The following ANKS1B variants were observed in gnomAD, a reference collection of about 807,000 sequenced individuals.
ANKS1B encodes ankyrin repeat and sterile alpha motif domain-containing protein 1B.
In ANKS1B, 36 loss-of-function variants were observed where a neutral mutation model predicts 148.3. The ratio of observed to expected loss-of-function variants is 0.24; its 90% CI spans 0.19 to 0.32. ANKS1B has a LOEUF of 0.32. Ranked by LOEUF, ANKS1B falls within the 10% of genes least tolerant of loss-of-function variation. The pLI, the probability that ANKS1B is intolerant of heterozygous loss-of-function variation, is 1.00. For synonymous variants in ANKS1B, 542 were observed against 560.8 expected (o/e 0.97, Z 0.47); for missense variants, 1,157 against 1,542.6 (o/e 0.75, Z 4.19).
In ANKS1B at chr12:99,455,117, C is replaced by T. The variant is rs754855382; in HGVS notation, c.1439-11308G>A. On this transcript the variant is annotated intron_variant, in intron 10 of 26. Transcript: ENST00000683438. Reference sequence around the variant, plus strand: ...TGTCTTAACAACCTATTCTTTTCTCCGGTTGTACTCTTAGTGGTCCCTGTA... The same window carrying T: ...TGTCTTAACAACCTATTCTTTTCTCTGGTTGTACTCTTAGTGGTCCCTGTA... Among the ~76,000 whole-genome samples, 29 of 152,180 alleles carry T rather than the reference C, an allele frequency of 1.9e-4. 1 individual carries two copies. In the South Asian group the frequency reaches 5.0e-3, roughly 26 times the overall value.
chr12:99,345,858 C>A (rs945008501), intron 12 of ANKS1B, among the ~76,000 whole-genome samples: 1 of 151,956 alleles, frequency 6.6e-6, no homozygotes, highest in Non-Finnish European at 1.5e-5. Flanking sequence ...AAAAAATGCT[C>A]TTTGTAAAAT....
rs186992812 is a variant in ANKS1B at position 99,844,749 on chromosome 12, A to G, written c.135-19360T>C. The stretch of plus-strand genomic sequence containing the variant: ...TTTTTGGTTCCTTGTGAATTTTAAA[A>G]TAGTTTTTTCTAATTCTATGAAGAA... On this transcript the variant is annotated intron_variant, in intron 1 of 26. Transcript: ENST00000683438. Among the ~76,000 whole-genome samples, 19 of 152,272 alleles carry G rather than the reference A, an allele frequency of 1.2e-4. No individual in the cohort carries two copies. In the East Asian group the frequency reaches 2.5e-3, roughly 20 times the overall value.
chr12:99,647,329 C>T (rs1320274232), intron 9 of ANKS1B, among the ~76,000 whole-genome samples: 1 of 152,176 alleles, frequency 6.6e-6, no homozygotes, highest in Non-Finnish European at 1.5e-5. Context: ...AAGCAATCCC[C>T]TATTGTAAGA....
intron 12 of ANKS1B, among the ~76,000 whole-genome samples, chr12:99,306,544 G>C (rs1270158774): frequency 6.6e-6 from 1 of 151,920 alleles, no homozygotes; most frequent in Non-Finnish European, 1.5e-5. Context: ...TCTGATGATG[G>C]TTTTACATGA....
chr12:99,095,659 G>A (rs2055796645), intron 15 of ANKS1B, among the ~76,000 whole-genome samples: 1 of 152,178 alleles, frequency 6.6e-6, no homozygotes, highest in South Asian at 2.1e-4. Context: ...ATGGGGATGT[G>A]TACTGTGGCA....
chr12:99,827,502 C>T (rs1461187892), intron 1 of ANKS1B, among the ~76,000 whole-genome samples: 1 of 152,030 alleles, frequency 6.6e-6, no homozygotes, highest in South Asian at 2.1e-4. Flanking sequence ...GCACTGTATA[C>T]GGGATTTCAG....
intron 8 of ANKS1B, among the ~76,000 whole-genome samples, chr12:99,769,050 T>C (rs1219093584): frequency 6.6e-6 from 1 of 151,954 alleles, no homozygotes; most frequent in Non-Finnish European, 1.5e-5. Context: ...TACGCTAATT[T>C]GTTATAGCAC....
chr12:99,425,032 C>G (rs2152727993), intron 11 of ANKS1B, among the ~76,000 whole-genome samples: 1 of 152,042 alleles, frequency 6.6e-6, no homozygotes, highest in East Asian at 1.9e-4. Flanking sequence ...TAAATTAGTT[C>G]TGACCACGAG....
rs2083894946 is a variant in ANKS1B at position 99,830,924 on chromosome 12, C to T, written c.135-5535G>A. ...GAAAGTTTTTTCCTCAATCATATGGCTCAATCTTTCTGCTCAAATGTCATC... is the reference window on the plus strand; with the variant it reads ...GAAAGTTTTTTCCTCAATCATATGGTTCAATCTTTCTGCTCAAATGTCATC... On this transcript the variant is annotated intron_variant, in intron 1 of 26. Coordinates refer to ENST00000683438, the MANE Select transcript of ANKS1B (RefSeq NM_001352186.2). 2.0e-5 allele frequency among the ~76,000 whole-genome samples: 3 copies of T among 152,112 alleles called. No individual in the cohort carries two copies. The South Asian group carries it at 6.2e-4, about 31-fold the overall frequency.
At chr12:99,960,267 T>C (rs914552959) in intron 1 of ANKS1B, among the ~76,000 whole-genome samples, 5 of 152,248 alleles carry the variant, frequency 3.3e-5, no homozygotes, top group Non-Finnish European at 7.3e-5. Context: ...TTTACCCTTT[T>C]CTTCTGGGCT....
chr12:99,973,293 T>C (rs751140349), intron 1 of ANKS1B, among the ~76,000 whole-genome samples: 1 of 152,248 alleles, frequency 6.6e-6, no homozygotes, highest in Non-Finnish European at 1.5e-5. Context: ...CTAAGAACAT[T>C]TGCGGGCCAG....
At chr12:99,334,275 G>A (rs2152295368) in intron 12 of ANKS1B, among the ~76,000 whole-genome samples, 1 of 152,026 alleles carries the variant, frequency 6.6e-6, no homozygotes, top group East Asian at 1.9e-4. Flanking sequence ...CCTGGTACTG[G>A]ATGGCTTCAT....
intron 1 of ANKS1B, among the ~76,000 whole-genome samples, chr12:99,928,822 T>C (rs2094540613): frequency 6.6e-6 from 1 of 152,222 alleles, no homozygotes; most frequent in African/African-American, 2.4e-5. Context: ...CTTTTCTTTT[T>C]CACTCTTACT....
At chr12:99,392,397 C>T (rs2094106011) in intron 12 of ANKS1B, among the ~76,000 whole-genome samples, 1 of 152,268 alleles carries the variant, frequency 6.6e-6, no homozygotes, top group Admixed American at 6.5e-5. Context: ...TCCTATGCTG[C>T]TAAGCACTTA....
chr12:99,203,562 T>G (rs1254508110), intron 14 of ANKS1B, among the ~76,000 whole-genome samples: 1 of 152,010 alleles, frequency 6.6e-6, no homozygotes, highest in African/African-American at 2.4e-5. Context: ...GCCATTCTCC[T>G]GTCTCAGCCT....
intron 1 of ANKS1B, among the ~76,000 whole-genome samples, chr12:99,937,190 G>A (rs954105426): frequency 6.6e-6 from 1 of 152,110 alleles, no homozygotes; most frequent in African/African-American, 2.4e-5. Context: ...GAGTGTTGAT[G>A]GTGTATTCTT....
At chr12:99,699,673 C>T (rs2054505733) in intron 8 of ANKS1B, among the ~76,000 whole-genome samples, 1 of 152,142 alleles carries the variant, frequency 6.6e-6, no homozygotes, top group African/African-American at 2.4e-5. Flanking sequence ...ATTTGTAAGA[C>T]TTGCTCAAGA....
chr12:99,380,092 A>G (rs974928316), intron 12 of ANKS1B, among the ~76,000 whole-genome samples: 1 of 152,208 alleles, frequency 6.6e-6, no homozygotes. Flanking sequence ...TGTCTGATTT[A>G]GTTGAACCAA....
rs528925902 is a variant in ANKS1B at position 98,878,414 on chromosome 12, T to C, written c.2779-46278A>G. ...ACAAACAAACAAACAAAATGCCCCA[T>C]TGCCTAAACTCTGAAAAAGTCAATA... On this transcript the variant is annotated intron_variant, in intron 17 of 26. Coordinates refer to ENST00000683438, the MANE Select transcript of ANKS1B (RefSeq NM_001352186.2). 3.0e-5 allele frequency among the ~76,000 whole-genome samples: 4 copies of C among 135,056 alleles called. No individual in the cohort carries two copies. The East Asian group carries it at 5.8e-4, about 20-fold the overall frequency. 88.6% of individuals were successfully genotyped at this position (135,056 alleles called of 152,430 possible). A position where few individuals can be genotyped will look rare whatever the true frequency, so the allele number is the denominator to read the frequency against.
Sources: gnomAD v4.1 joint callset for allele counts (sites outside exome capture counted in the v4.1 genomes callset) on GRCh38, gnomAD v4.1.1 for gene constraint, MANE v1.5 for transcripts, NCBI Gene and HGNC (gene_info 2026-07-23, HGNC 2026-07-21) for gene names.